The following C2CD2 variants were observed in gnomAD, a reference collection of about 807,000 sequenced individuals.
The protein encoded by C2CD2 is C2 calcium dependent domain containing 2.
In C2CD2, 43 loss-of-function variants were observed where a neutral mutation model predicts 74.3. The observed-to-expected ratio is 0.58, with a 90% CI of 0.45 to 0.75. The LOEUF is 0.75. Ranked by LOEUF, C2CD2 falls within the 30% of genes least tolerant of loss-of-function variation. C2CD2 has a pLI of 0.00. For missense variants in C2CD2, 801 were observed against 916.3 expected, an observed-to-expected ratio of 0.87 and a Z score of 1.63; for synonymous variants, 422 against 390.7, an observed-to-expected ratio of 1.08 and a Z score of -0.94.
rs9325616 is a variant in C2CD2 at position 41,939,577 on chromosome 21, A to G, written c.378+2570T>C. 0.34 allele frequency among the ~76,000 whole-genome samples: 51,642 copies of G among 151,978 alleles called. 9,791 individuals carry two copies. The highest frequency in any genetic ancestry group is 0.5 in the African/African-American group (20,799 of 41,372). On this transcript the variant is annotated intron_variant, in intron 2 of 13. Transcript: ENST00000380486. This position sits in a 1 kb window ranked among gnomAD's most constrained non-coding sequence, Gnocchi z 5.5. ...TCTCTGCACCTCAGCTCCCAAGAGT[A>G]TAAAATGGGCACTGGAGCACCTGCC...
rs73221441 is a variant in C2CD2, at chr21:41,939,252, T to C, written c.378+2895A>G. On this transcript the variant is annotated intron_variant, in intron 2 of 13. Coordinates refer to ENST00000380486, the MANE Select transcript of C2CD2 (RefSeq NM_015500.2). The surrounding 1 kb of genome is among the most constrained non-coding windows in gnomAD (Gnocchi z 5.5). ...ATTTCTGTCATGTCCATTTCTGAAA[T>C]TGTATTTATTAAAAGGATTACAATT... Among the ~76,000 whole-genome samples the C allele has an allele frequency of 0.015, 2,301 of 152,324 alleles. 25 individuals are homozygous for C. The highest frequency in any genetic ancestry group is 0.048 in the Middle Eastern group (14 of 294).
chr21:41,950,802 G>A (rs1283688490), intron 1 of C2CD2, among the ~76,000 whole-genome samples: 1 of 152,168 alleles, frequency 6.6e-6, no homozygotes, highest in Non-Finnish European at 1.5e-5. Flanking sequence ...CTTGGAATGG[G>A]AGGAGTTATT....
In C2CD2 at chr21:41,892,867, C is replaced by T. The variant is rs531810076; in HGVS notation, c.1871-3523G>A. 7.2e-5 allele frequency among the ~76,000 whole-genome samples: 11 copies of T among 152,310 alleles called. No individual in the cohort carries two copies. In the South Asian group the frequency reaches 1.7e-3, roughly 23 times the overall value. ...CTCCTTCGCACTTCACTCTGGGGGC[C>T]GGCAGACCACAGGGCTGTGTGGGTA... On this transcript the variant is annotated intron_variant, in intron 13 of 13. Transcript: ENST00000380486. This position sits in a 1 kb window ranked among gnomAD's most constrained non-coding sequence, Gnocchi z 4.6.
intron 11 of C2CD2, among the ~76,000 whole-genome samples, chr21:41,904,099 A>C (rs2064932368): frequency 1.3e-5 from 2 of 152,128 alleles, no homozygotes; most frequent in South Asian, 4.1e-4. Flanking sequence ...CCTGCTGATA[A>C]AACAGGATGT....
At chr21:41,950,599 C>G (rs1405767604) in intron 1 of C2CD2, among the ~76,000 whole-genome samples, 1 of 152,198 alleles carries the variant, frequency 6.6e-6, no homozygotes, top group African/African-American at 2.4e-5. Flanking sequence ...TTCTCGCTGG[C>G]TCTCATTTAA....
chr21:41,953,074 T>G (rs1346340016), intron 1 of C2CD2: 1 of 350,374 alleles, frequency 2.9e-6, no homozygotes, highest in African/African-American at 2.1e-5. Flanking sequence ...AGGCAGGTAC[T>G]GGCTGGCGCG....
At chr21:41,932,023 C>G in intron 2 of C2CD2, among the ~76,000 whole-genome samples, 1 of 136,382 alleles carries the variant, frequency 7.3e-6, no homozygotes, top group East Asian at 2.2e-4. Context: ...CTCCAGCATC[C>G]CACCACCCCA....
intron 13 of C2CD2, among the ~76,000 whole-genome samples, chr21:41,893,171 T>C (rs976961252): frequency 3.3e-5 from 5 of 152,224 alleles, no homozygotes; most frequent in Non-Finnish European, 1.5e-5. Flanking sequence ...AATTAAACTT[T>C]TTTTAAAAGA....
Position 41,903,820 on chromosome 21 carries a change from A to G in C2CD2, c.1432+1904T>C, listed in dbSNP as rs1165009237. ...ATGCATCAGAACCCACAGTGGGAACATCAGCCTAGGTCTTTTAAGAGGGAT... is the reference window on the plus strand; with the variant it reads ...ATGCATCAGAACCCACAGTGGGAACGTCAGCCTAGGTCTTTTAAGAGGGAT... On this transcript the variant is annotated intron_variant, in intron 11 of 13. Transcript: ENST00000380486. The surrounding 1 kb of genome is among the most constrained non-coding windows in gnomAD (Gnocchi z 4.5). Among the ~76,000 whole-genome samples the G allele has an allele frequency of 6.6e-6, 1 of 152,128 alleles. No individual in the cohort carries two copies. Among genetic ancestry groups the G allele is most frequent in the Non-Finnish European group, 1.5e-5 (1 of 68,016 alleles).
intron 2 of C2CD2, among the ~76,000 whole-genome samples, chr21:41,934,596 AG>A (rs1306966624): frequency 6.6e-6 from 1 of 152,238 alleles, no homozygotes; most frequent in Non-Finnish European, 1.5e-5. Flanking sequence ...TTCTACTTCT[AG>A]GAACAGTGAG....
At chr21:41,944,509 G>A (rs1447905100) in intron 1 of C2CD2, among the ~76,000 whole-genome samples, 2 of 113,488 alleles carry the variant, frequency 1.8e-5, no homozygotes, top group African/African-American at 3.6e-5. Flanking sequence ...GCGACAGAGC[G>A]AGACTCTGCC....
intron 2 of C2CD2, among the ~76,000 whole-genome samples, chr21:41,931,896 ACCCC>A: frequency 3.0e-5 from 1 of 33,232 alleles, no homozygotes; most frequent in Admixed American, 3.8e-4. Context: ...GCATCCCACC[ACCCC>A]ACCTCCAGCA....
intron 2 of C2CD2, among the ~76,000 whole-genome samples, chr21:41,937,141 G>A (rs1289581188): frequency 7.0e-6 from 1 of 143,124 alleles, no homozygotes; most frequent in Non-Finnish European, 1.5e-5. Context: ...TTTTTGAGAC[G>A]GCATCTCACT....
intron 5 of C2CD2, among the ~76,000 whole-genome samples, chr21:41,916,975 G>A (rs921745511): frequency 1.3e-5 from 2 of 152,150 alleles, no homozygotes; most frequent in African/African-American, 4.8e-5. Context: ...GACAGCGCTG[G>A]GACTCTCCTC....
intron 8 of C2CD2, chr21:41,908,243 T>TTGTGTGTGTG (rs10528071): frequency 0.031 from 5,232 of 168,922 alleles, 172 homozygotes; most frequent in Middle Eastern, 0.1. Context: ...TACCCTCAAG[T>TTGTGTGTGTG]TGTGTGTGTG....
chr21:41,894,996 GGA>G (rs1417724488), intron 13 of C2CD2: 5 of 456,106 alleles, frequency 1.1e-5, no homozygotes, highest in Non-Finnish European at 1.8e-5. Context: ...TGCAGCACCC[GGA>G]GATTCAACAG....
At chr21:41,911,215 T>C (rs999425570) in intron 7 of C2CD2, among the ~76,000 whole-genome samples, 3 of 152,300 alleles carry the variant, frequency 2.0e-5, no homozygotes, top group East Asian at 3.9e-4. Context: ...AGTAATACAA[T>C]GAACACCATT....
At chr21:41,896,047 C>T (rs566558818) in intron 13 of C2CD2, among the ~76,000 whole-genome samples, 2 of 152,312 alleles carry the variant, frequency 1.3e-5, no homozygotes, top group African/African-American at 2.4e-5. Flanking sequence ...ACCTCAGCCA[C>T]AGCACTGTCA....
In C2CD2 at chr21:41,895,580, G is replaced by T. The variant is rs2064812633; in HGVS notation, c.1870+3473C>A. 6.6e-6 allele frequency among the ~76,000 whole-genome samples: 1 copy of T among 152,152 alleles called. No homozygotes were observed. The highest frequency in any genetic ancestry group is 2.1e-4 in the South Asian group (1 of 4,830). On this transcript the variant is annotated intron_variant, in intron 13 of 13. Transcript: ENST00000380486. This position sits in a 1 kb window ranked among gnomAD's most constrained non-coding sequence, Gnocchi z 5.0. The stretch of plus-strand genomic sequence containing the variant: ...TGTGAAATTGGAGGCAAGTAACCAA[G>T]ATTTTAAATGGGAGACAGGGAGAAG...
Sources: allele counts gnomAD v4.1 joint callset (sites outside exome capture counted in the v4.1 genomes callset), GRCh38; gene constraint gnomAD v4.1.1; non-coding constraint Gnocchi (gnomAD v3.1); transcripts MANE v1.5; gene names NCBI Gene and HGNC (gene_info 2026-07-23, HGNC 2026-07-21).